ARMC2: variants seen among roughly 807,000 people sequenced by gnomAD.
ARMC2 encodes armadillo repeat-containing protein 2.
Under a neutral mutation model 90.3 loss-of-function variants are expected in ARMC2, and 67 were observed. The observed-to-expected ratio is 0.74, with a 90% CI of 0.61 to 0.91. The LOEUF (loss-of-function observed/expected upper bound fraction) is 0.91. Ranked by LOEUF, ARMC2 falls within the 40% of genes least tolerant of loss-of-function variation. ARMC2 has a pLI of 0.00. For missense variants in ARMC2, 920 were observed against 1,030.9 expected (o/e 0.89, Z 1.47); for synonymous variants, 393 against 393.0 (o/e 1.00, Z 0.00).
At chr6:108,934,108 C>T (rs1346841975) in intron 11 of ARMC2, among the ~76,000 whole-genome samples, 6 of 152,128 alleles carry the variant, frequency 3.9e-5, no homozygotes, top group South Asian at 2.1e-4. Flanking sequence ...GTGATCCACC[C>T]GTCTCAGCCT....
intron 2 of ARMC2, among the ~76,000 whole-genome samples, chr6:108,855,694 G>C (rs778593446): frequency 1.3e-5 from 2 of 152,232 alleles, no homozygotes; most frequent in Non-Finnish European, 2.9e-5. Context: ...ATGAATGAGA[G>C]ATCCTGTTCC....
At chr6:109,035,658 A>G in the ARMC2 span, among the ~76,000 whole-genome samples, 3 of 152,112 alleles carry the variant, frequency 2.0e-5, no homozygotes, top group Non-Finnish European at 2.9e-5. Flanking sequence ...TCTGTTGCCC[A>G]GGCTCAGTCA....
chr6:108,980,104 C>T, the ARMC2 span, among the ~76,000 whole-genome samples: 1 of 152,076 alleles, frequency 6.6e-6, no homozygotes, highest in Non-Finnish European at 1.5e-5. Context: ...GCTTTTTGTG[C>T]TGGTTTCTCC....
intron 6 of ARMC2, among the ~76,000 whole-genome samples, chr6:108,898,769 G>C (rs1771857555): frequency 6.6e-6 from 1 of 152,116 alleles, no homozygotes; most frequent in Non-Finnish European, 1.5e-5. Context: ...TTGCAAAATG[G>C]AGACAGTTTG....
intron 11 of ARMC2, among the ~76,000 whole-genome samples, chr6:108,936,011 C>G (rs907221522): frequency 9.9e-5 from 15 of 152,064 alleles, no homozygotes; most frequent in Non-Finnish European, 2.1e-4. Flanking sequence ...TGATGTTTTA[C>G]CTATTGATTC....
At chr6:108,858,953 C>T (rs946270354) in intron 3 of ARMC2, among the ~76,000 whole-genome samples, 8 of 152,112 alleles carry the variant, frequency 5.3e-5, no homozygotes, top group Non-Finnish European at 8.8e-5. Flanking sequence ...TATCACAATG[C>T]GTTCACCTTT....
At chr6:108,995,605 T>C in the ARMC2 span, among the ~76,000 whole-genome samples, 3 of 152,192 alleles carry the variant, frequency 2.0e-5, no homozygotes, top group African/African-American at 7.2e-5. Flanking sequence ...TTTATACCTT[T>C]CTTATAAAAT....
chr6:108,885,721 G>C (rs1778035487), intron 5 of ARMC2, among the ~76,000 whole-genome samples: 1 of 152,096 alleles, frequency 6.6e-6, no homozygotes, highest in Non-Finnish European at 1.5e-5. Context: ...AATCTGTCTG[G>C]AAACTGTATA....
chr6:108,942,723 CAGAA>C (rs1315654997), intron 12 of ARMC2, among the ~76,000 whole-genome samples: 2 of 152,074 alleles, frequency 1.3e-5, no homozygotes, highest in East Asian at 3.9e-4. Flanking sequence ...ATTAGACAAT[CAGAA>C]AGAGTCAGTA....
At chr6:108,907,087 T>C (rs893343433) in intron 8 of ARMC2, among the ~76,000 whole-genome samples, 90 of 152,358 alleles carry the variant, frequency 5.9e-4, no homozygotes, top group African/African-American at 2.0e-3. Flanking sequence ...ATTGACATTA[T>C]AGCAGGCCTG....
chr6:108,982,814 T>TC, the ARMC2 span, among the ~76,000 whole-genome samples: 1 of 143,260 alleles, frequency 7.0e-6, no homozygotes, highest in Non-Finnish European at 1.6e-5. Flanking sequence ...GGACTTTTCT[T>TC]TTTTTTTTTT....
chr6:109,051,249 A>G, the ARMC2 span, among the ~76,000 whole-genome samples: 2 of 152,224 alleles, frequency 1.3e-5, no homozygotes, highest in Non-Finnish European at 2.9e-5. Flanking sequence ...TTTATAAAAC[A>G]GCAGGGTGCA....
At chr6:109,027,903 T>C in the ARMC2 span, among the ~76,000 whole-genome samples, 1 of 152,230 alleles carries the variant, frequency 6.6e-6, no homozygotes, top group Non-Finnish European at 1.5e-5. Flanking sequence ...AAACCTTTTG[T>C]CCATTTTTTA....
chr6:109,027,133 G>A, the ARMC2 span, among the ~76,000 whole-genome samples: 4 of 152,016 alleles, frequency 2.6e-5, no homozygotes, highest in African/African-American at 9.7e-5. Flanking sequence ...TTGCATCACT[G>A]CATTCCAGCC....
the ARMC2 span, among the ~76,000 whole-genome samples, chr6:109,006,809 G>A: frequency 2.0e-5 from 3 of 152,104 alleles, no homozygotes; most frequent in South Asian, 2.1e-4. Flanking sequence ...AAGGCACTGC[G>A]GGTGTTCAAT....
the ARMC2 span, among the ~76,000 whole-genome samples, chr6:108,993,282 T>C: frequency 6.6e-6 from 1 of 152,236 alleles, no homozygotes; most frequent in Non-Finnish European, 1.5e-5. Context: ...AGATTATTTT[T>C]GTTGAATATT....
intron 5 of ARMC2, among the ~76,000 whole-genome samples, chr6:108,884,768 C>A (rs773696650): frequency 8.5e-5 from 13 of 152,154 alleles, no homozygotes; most frequent in Non-Finnish European, 1.8e-4. Context: ...TGAGAGGTGA[C>A]TTTCGCTGTC....
chr6:108,907,686 G>A, intron 8 of ARMC2: 1 of 1,607,010 alleles, frequency 6.2e-7, no homozygotes, highest in Middle Eastern at 2.3e-4. Context: ...TAGCATGCCA[G>A]CACCATGGTA....
At chr6:108,980,609 C>T in the ARMC2 span, among the ~76,000 whole-genome samples, 1 of 151,864 alleles carries the variant, frequency 6.6e-6, no homozygotes, top group African/African-American at 2.4e-5. Flanking sequence ...ACAGCCGCCC[C>T]TTCCCCCATG....
Sources: gnomAD v4.1 joint callset for allele counts (sites outside exome capture counted in the v4.1 genomes callset) on GRCh38, gnomAD v4.1.1 for gene constraint, MANE v1.5 for transcripts, NCBI Gene and HGNC (gene_info 2026-07-23, HGNC 2026-07-21) for gene names.